Variants in SMOX observed in about 807,000 individuals in gnomAD.
SMOX encodes the protein spermine oxidase.
SMOX carries 22 observed loss-of-function variants against 51.0 expected under a neutral mutation model. The observed-to-expected ratio is 0.43, with a 90% CI of 0.31 to 0.62. The LOEUF (loss-of-function observed/expected upper bound fraction) is 0.62, where lower values mean the gene tolerates loss of function less well. SMOX is among the 20% of genes least tolerant of loss of function. The pLI is 0.10. For missense variants in SMOX, 566 were observed against 777.7 expected (o/e 0.73, Z 3.24); for synonymous variants, 282 against 307.8 (o/e 0.92, Z 0.88).
chr20:4,175,048 C>A lies in SMOX; in HGVS notation c.-8C>A, dbSNP rs117533636. ...CCTGCAGGTTCCTAGAAGGTGAGCG[C>A]GGACGGTATGCAAAGTTGTGAATCC... On this transcript the variant is annotated 5_prime_UTR_variant, in exon 2 of 7. Coordinates refer to ENST00000305958, the MANE Select transcript of SMOX (RefSeq NM_175839.3). The A allele has an allele frequency of 6.2e-7, 1 of 1,613,992 alleles. No homozygotes were observed. The highest frequency in any genetic ancestry group is 2.2e-5 in the East Asian group (1 of 44,888).
rs1464499766 is a variant in SMOX at position 4,170,199 on chromosome 20, A to G, written c.-26-4831A>G. ...TGGCGCAGTTGGGGGTGGAGGTGAC[A>G]TGATTCAGGCTGTGGAGTTGCCATG... On this transcript the variant is annotated intron_variant, in intron 1 of 6. Coordinates refer to ENST00000305958, the MANE Select transcript of SMOX (RefSeq NM_175839.3). This position sits in a 1 kb window ranked among gnomAD's most constrained non-coding sequence, Gnocchi z 4.6. Among the ~76,000 whole-genome samples the G allele has an allele frequency of 6.6e-6, 1 of 151,908 alleles. No individual in the cohort carries two copies. Among genetic ancestry groups the G allele is most frequent in the Non-Finnish European group, 1.5e-5 (1 of 67,966 alleles).
rs1986617511 is a variant in SMOX, at chr20:4,167,511, A to T, written c.-26-7519A>T. 6.6e-6 allele frequency among the ~76,000 whole-genome samples: 1 copy of T among 152,178 alleles called. No homozygotes were observed. On this transcript the variant is annotated intron_variant, in intron 1 of 6. Coordinates refer to ENST00000305958, the MANE Select transcript of SMOX (RefSeq NM_175839.3). The surrounding 1 kb of genome is among the most constrained non-coding windows in gnomAD (Gnocchi z 4.8). ...CTTGAAGACCAAAGTGAGCCTTTAA[A>T]TATCAGATAGGGCTTGGACAAGTGT...
intron 1 of SMOX, among the ~76,000 whole-genome samples, chr20:4,169,272 G>A (rs6139346): frequency 0.12 from 17,817 of 152,114 alleles, 1,203 homozygotes; most frequent in East Asian, 0.27. Context: ...AAAGTGCCGC[G>A]ATTACAGGCA....
At chr20:4,161,012 C>T (rs1174644034) in intron 1 of SMOX, among the ~76,000 whole-genome samples, 1 of 152,210 alleles carries the variant, frequency 6.6e-6, no homozygotes, top group Non-Finnish European at 1.5e-5. Context: ...GGGAACTGCG[C>T]CCGGCTGAGC....
rs201504256 is a variant in SMOX, at chr20:4,175,278, G to A, written c.208+15G>A. 6 of 1,610,946 alleles carry A rather than the reference G, an allele frequency of 3.7e-6. No individual in the cohort carries two copies. Among genetic ancestry groups the A allele is most frequent in the Non-Finnish European group, 5.1e-6 (6 of 1,177,644 alleles). Reference sequence around the variant, plus strand: ...TGTGAAACTTGGTAAGTGCCACCCAGTCCAGCCCAGCCACCTCCCCAGGTC... The same window carrying A: ...TGTGAAACTTGGTAAGTGCCACCCAATCCAGCCCAGCCACCTCCCCAGGTC... On this transcript the variant is annotated intron_variant, in intron 2 of 6. Transcript: ENST00000305958.
chr20:4,183,228 G>T lies in SMOX; in HGVS notation c.1370-266G>T. ...CACGAGAACCCCCGATATTAGGCGG[G>T]GAAACATGATTATGTGTCATGTGTT... On this transcript the variant is annotated intron_variant, in intron 5 of 6. Coordinates refer to ENST00000305958, the MANE Select transcript of SMOX (RefSeq NM_175839.3). This position sits in a 1 kb window ranked among gnomAD's most constrained non-coding sequence, Gnocchi z 4.3. The T allele has an allele frequency of 1.7e-6, 1 of 580,884 alleles. No individual in the cohort carries two copies. The highest frequency in any genetic ancestry group is 3.0e-6 in the Non-Finnish European group (1 of 328,424). The allele number at this position is 580,884 out of a possible 1,614,324, so 36.0% of individuals were successfully genotyped here.
chr20:4,178,668 TTTTC>T (rs1200215758), intron 3 of SMOX, among the ~76,000 whole-genome samples: 23 of 126,606 alleles, frequency 1.8e-4, no homozygotes, highest in Admixed American at 1.3e-3. Context: ...GTGCATTTTC[TTTTC>T]TTTCTTTCTT....
rs373076711 is a variant in SMOX at position 4,187,260 on chromosome 20, C to T, written c.1531-10C>T. On this transcript the variant is annotated splice_polypyrimidine_tract_variant and intron_variant, in intron 6 of 6. Transcript: ENST00000305958. The surrounding 1 kb of genome is among the most constrained non-coding windows in gnomAD (Gnocchi z 4.8). ...TCCTCCACCCTGACCTCCCCATCCC[C>T]GCCCCGCAGCCCATGCAGGTGCTGT... 270 of 1,609,736 alleles carry T rather than the reference C, an allele frequency of 1.7e-4. No individual in the cohort carries two copies. Among genetic ancestry groups the T allele is most frequent in the Non-Finnish European group, 2.0e-4 (238 of 1,177,426 alleles).
rs1246869348 is a variant in SMOX, at chr20:4,177,655, A to G, written c.435+78A>G. The G allele has an allele frequency of 7.4e-7, 1 of 1,350,524 alleles. No individual in the cohort carries two copies. Among genetic ancestry groups the G allele is most frequent in the Non-Finnish European group, 1.0e-6 (1 of 976,828 alleles). The allele number at this position is 1,350,524 out of a possible 1,614,324, so 83.7% of individuals were successfully genotyped here. A position where few individuals can be genotyped will look rare whatever the true frequency, so the allele number is the denominator to read the frequency against. ...TCTGTGATTCTGGTCGTGTCTCTGC[A>G]CACTCCCTGGGCCTTGCATTTGGAA... On this transcript the variant is annotated intron_variant, in intron 3 of 6. Transcript: ENST00000305958. This position sits in a 1 kb window ranked among gnomAD's most constrained non-coding sequence, Gnocchi z 4.3.
At position 4,182,840 on chromosome 20, in the gene SMOX, A is replaced by G; in HGVS notation, c.1361A>G (p.Gln454Arg). The G allele has an allele frequency of 6.2e-7, 1 of 1,604,084 alleles. No individual in the cohort carries two copies. Among genetic ancestry groups the G allele is most frequent in the South Asian group, 1.1e-5 (1 of 91,028 alleles). The change falls in exon 5 of 7, where the codon CAG (glutamine) becomes CGG (arginine). Residue 454 changes from glutamine to arginine, a missense_variant. Gln to Arg is a conservative substitution (Grantham distance 43, BLOSUM62 1). Transcript: ENST00000305958. This position sits in a 1 kb window ranked among gnomAD's most constrained non-coding sequence, Gnocchi z 8.4. Reference protein sequence around the residue: ...VAEICTEMLRQFTGNPNIPKP... With the variant: ...VAEICTEMLRRFTGNPNIPKP... ...GAGATCTGCACGGAGATGCTGCGTCAGTTCACAGGTGCGCCACGTGCCCCA... is the reference window on the plus strand; with the variant it reads ...GAGATCTGCACGGAGATGCTGCGTCGGTTCACAGGTGCGCCACGTGCCCCA...
At chr20:4,186,530 C>T (rs973815152) in intron 6 of SMOX, among the ~76,000 whole-genome samples, 1 of 152,136 alleles carries the variant, frequency 6.6e-6, no homozygotes, top group African/African-American at 2.4e-5. Flanking sequence ...ACATTTTTGC[C>T]CCCACCTTTC....
At position 4,177,227 on chromosome 20, in the gene SMOX, T is replaced by C; in HGVS notation, c.209-124T>C. ...CTTCGTTGGTTGCCAGCAGTGGAAG[T>C]TCAAGCTCTTTCCTGCCCTGTTGTA... On this transcript the variant is annotated intron_variant, in intron 2 of 6. Coordinates refer to ENST00000305958, the MANE Select transcript of SMOX (RefSeq NM_175839.3). The surrounding 1 kb of genome is among the most constrained non-coding windows in gnomAD (Gnocchi z 4.3). The C allele has an allele frequency of 2.3e-6, 2 of 851,276 alleles. No individual in the cohort carries two copies. The highest frequency in any genetic ancestry group is 3.6e-6 in the Non-Finnish European group (2 of 554,454). 52.7% of individuals were successfully genotyped at this position (851,276 alleles called of 1,614,324 possible).
At chr20:4,169,316 C>G (rs1049779693) in intron 1 of SMOX, among the ~76,000 whole-genome samples, 5 of 152,092 alleles carry the variant, frequency 3.3e-5, no homozygotes, top group Non-Finnish European at 7.3e-5. Context: ...CCACACCTGG[C>G]CAGATTTTTA....
chr20:4,164,563 G>T (rs1174154169), intron 1 of SMOX, among the ~76,000 whole-genome samples: 1 of 152,192 alleles, frequency 6.6e-6, no homozygotes, highest in Non-Finnish European at 1.5e-5. Flanking sequence ...CCAAAGGATA[G>T]GACTATTTAT....
intron 6 of SMOX, among the ~76,000 whole-genome samples, chr20:4,184,555 T>C (rs1162460523): frequency 1.3e-5 from 2 of 151,082 alleles, no homozygotes; most frequent in East Asian, 1.9e-4. Context: ...ATTTTGAGTT[T>C]CCCCCATCAA....
chr20:4,167,383 G>A lies in SMOX; in HGVS notation c.-26-7647G>A, dbSNP rs1173155553. On this transcript the variant is annotated intron_variant, in intron 1 of 6. Coordinates refer to ENST00000305958, the MANE Select transcript of SMOX (RefSeq NM_175839.3). The surrounding 1 kb of genome is among the most constrained non-coding windows in gnomAD (Gnocchi z 4.8). ...CTTTGGGGATCTTCCTCCCTCTCCC[G>A]CCCTCTCCGAGATGACCTTTGCAGT... 1.3e-5 allele frequency among the ~76,000 whole-genome samples: 2 copies of A among 152,050 alleles called. No homozygotes were observed. The highest frequency in any genetic ancestry group is 4.8e-5 in the African/African-American group (2 of 41,376).
chr20:4,168,505 T>A (rs888756147), intron 1 of SMOX, among the ~76,000 whole-genome samples: 2 of 151,592 alleles, frequency 1.3e-5, no homozygotes, highest in African/African-American at 4.8e-5. Flanking sequence ...CACTTGGGAA[T>A]AGCCTGTGTT....
chr20:4,156,501 A>G (rs1765007), intron 1 of SMOX, among the ~76,000 whole-genome samples: 71,498 of 151,918 alleles, frequency 0.47, 17,109 homozygotes, highest in Admixed American at 0.54. Context: ...TGGGTGTAGC[A>G]ACTGCTACCC....
rs778802881 is a variant in SMOX at position 4,182,574 on chromosome 20, C to T, written c.1095C>T (p.Thr365=). The T allele has an allele frequency of 1.1e-5, 17 of 1,613,940 alleles. No individual in the cohort carries two copies. Among genetic ancestry groups the T allele is most frequent in the South Asian group, 7.7e-5 (7 of 91,050 alleles). Residue 365 remains threonine, a synonymous_variant, in exon 5 of 7, where the codon ACC becomes ACT. Transcript: ENST00000305958. The surrounding 1 kb of genome is among the most constrained non-coding windows in gnomAD (Gnocchi z 8.4). ...AAIHRLGIGT[T]DKIFLEFEEP... Reference sequence around the variant, plus strand: ...TCCACCGCCTGGGCATTGGCACCACCGACAAGATCTTTCTGGAATTCGAGG... The same window carrying T: ...TCCACCGCCTGGGCATTGGCACCACTGACAAGATCTTTCTGGAATTCGAGG...
Sources: allele counts gnomAD v4.1 joint callset (sites outside exome capture counted in the v4.1 genomes callset), GRCh38; gene constraint gnomAD v4.1.1; non-coding constraint Gnocchi (gnomAD v3.1); transcripts MANE v1.5; gene names NCBI Gene and HGNC (gene_info 2026-07-23, HGNC 2026-07-21).